Variants in SPHKAP observed in about 807,000 individuals in gnomAD.
SPHKAP encodes SPHK1 interactor, AKAP domain containing.
In SPHKAP, 67 loss-of-function variants were observed where a neutral mutation model predicts 137.5. That is an observed-to-expected ratio of 0.49 (90% CI 0.40 to 0.60). The LOEUF is 0.60. SPHKAP is among the 20% of genes least tolerant of loss of function. The pLI, the probability that SPHKAP is intolerant of heterozygous loss-of-function variation, is 0.00. For synonymous variants in SPHKAP, 813 were observed against 785.3 expected (o/e 1.04, Z -0.59); for missense variants, 2,097 against 2,069.3 (o/e 1.01, Z -0.26).
Position 228,017,148 on chromosome 2 carries a change from G to C in SPHKAP, c.3706C>G (p.Gln1236Glu). 1 of 1,614,038 alleles carries C rather than the reference G, an allele frequency of 6.2e-7. No individual in the cohort carries two copies. The highest frequency in any genetic ancestry group is 8.5e-7 in the Non-Finnish European group (1 of 1,180,014). ...PSLRSPVCHR[Q>E]SSMPDSRSPC... ...GATCTGCTGTCTGGCATGGACGACT[G>C]TCTGTGGCACACTGGGGATCGCAGA... Residue 1236 changes from glutamine (Q) to glutamate (E), a missense_variant, in exon 7 of 12, where the codon CAG (glutamine) becomes GAG (glutamate). By Grantham distance (29) the Gln-to-Glu change is conservative (BLOSUM62 2). Coordinates refer to ENST00000392056, the MANE Select transcript of SPHKAP (RefSeq NM_001142644.2).
In SPHKAP at chr2:227,991,135, C is replaced by T; in HGVS notation, c.4824G>A (p.Leu1608=). ...PTGTASPQRS[L]LVINFDLEPE... is the part of the protein sequence containing the mutation. ...GCTCCAGGTCAAAGTTGATCACCAG[C>T]AGGCTCCTCTGGGGGCTGGCTGTTC... Residue 1608 remains leucine, a synonymous_variant, in exon 11 of 12, where the codon CTG becomes CTA. Transcript: ENST00000392056. 1 of 1,614,118 alleles carries T rather than the reference C, an allele frequency of 6.2e-7. No individual in the cohort carries two copies.
At chr2:228,122,396 G>A (rs1698939728) in intron 2 of SPHKAP, among the ~76,000 whole-genome samples, 1 of 152,172 alleles carries the variant, frequency 6.6e-6, no homozygotes, top group Non-Finnish European at 1.5e-5. Context: ...AACAGAACAA[G>A]GTTGGCATGT....
At chr2:228,108,175 C>T (rs564328650) in intron 3 of SPHKAP, among the ~76,000 whole-genome samples, 6 of 152,244 alleles carry the variant, frequency 3.9e-5, no homozygotes, top group South Asian at 2.1e-4. Flanking sequence ...GTAATCATGA[C>T]CCCATTAGAG....
At chr2:228,059,112 G>A (rs1696548080) in intron 3 of SPHKAP, among the ~76,000 whole-genome samples, 1 of 152,182 alleles carries the variant, frequency 6.6e-6, no homozygotes, top group African/African-American at 2.4e-5. Flanking sequence ...CATGTTGTGT[G>A]TATCAGTTGA....
chr2:228,148,905 T>C (rs1699853337), intron 1 of SPHKAP, among the ~76,000 whole-genome samples: 1 of 152,192 alleles, frequency 6.6e-6, no homozygotes, highest in Non-Finnish European at 1.5e-5. Flanking sequence ...AGTAGCTAGA[T>C]GGTGAAGATG....
At chr2:228,138,672 C>A (rs1006486646) in intron 1 of SPHKAP, among the ~76,000 whole-genome samples, 10 of 152,092 alleles carry the variant, frequency 6.6e-5, no homozygotes, top group African/African-American at 2.2e-4. Context: ...TTAAAGGTGG[C>A]TCCATAGCTG....
In SPHKAP at chr2:228,047,690, A is replaced by G. The variant is rs191310083; in HGVS notation, c.247-20147T>C. 5.3e-5 allele frequency among the ~76,000 whole-genome samples: 8 copies of G among 152,292 alleles called. No homozygotes were observed. In the East Asian group the frequency reaches 1.4e-3, roughly 26 times the overall value. ...CTGTGCTCGCAGAGCTAGGTGTGGT[A>G]TGCAGTGATGAGATGAACGAGATGG... is the stretch of plus-strand genomic sequence containing the variant. On this transcript the variant is annotated intron_variant, in intron 3 of 11. Transcript: ENST00000392056.
intron 3 of SPHKAP, among the ~76,000 whole-genome samples, chr2:228,061,994 G>A (rs556153491): frequency 1.3e-5 from 2 of 152,034 alleles, no homozygotes; most frequent in African/African-American, 4.8e-5. Flanking sequence ...TTGGAAATAT[G>A]TTTAGTGTGG....
intron 3 of SPHKAP, among the ~76,000 whole-genome samples, chr2:228,033,870 A>G (rs2106244344): frequency 6.6e-6 from 1 of 152,376 alleles, no homozygotes; most frequent in African/African-American, 2.4e-5. Context: ...TCTGGGACAC[A>G]TTCAAAGAAG....
chr2:228,045,570 G>A (rs932536523), intron 3 of SPHKAP, among the ~76,000 whole-genome samples: 6 of 151,878 alleles, frequency 4.0e-5, no homozygotes, highest in African/African-American at 1.5e-4. Context: ...GACACACGAA[G>A]GGGAACATCA....
At chr2:228,000,275 T>G (rs1574724842) in intron 7 of SPHKAP, among the ~76,000 whole-genome samples, 1 of 148,078 alleles carries the variant, frequency 6.8e-6, no homozygotes, top group Admixed American at 6.7e-5. Flanking sequence ...AGGTCAGGAG[T>G]TCAAGACCAG....
chr2:228,114,906 G>C (rs778390394), intron 2 of SPHKAP, among the ~76,000 whole-genome samples: 1 of 152,106 alleles, frequency 6.6e-6, no homozygotes, highest in Non-Finnish European at 1.5e-5. Context: ...CTCTGACTGT[G>C]ATAAAGGAAA....
intron 11 of SPHKAP, chr2:227,982,154 A>G (rs1351457367): frequency 3.1e-6 from 3 of 981,202 alleles, no homozygotes; most frequent in Non-Finnish European, 2.4e-6. Context: ...TCTTTTAGAT[A>G]TTTAGTGTTT....
At position 228,181,553 on chromosome 2, in the gene SPHKAP, G is replaced by T. The variant is rs1443781735; in HGVS notation, c.32+14C>A. On this transcript the variant is annotated intron_variant, in intron 1 of 11. Transcript: ENST00000392056. The surrounding 1 kb of genome is among the most constrained non-coding windows in gnomAD (Gnocchi z 4.3). ...ATCGACATGGTATTGGGCATAGAAAGAAGCGGGTCTTACCTTGGTACCGAG... is the reference window on the plus strand; with the variant it reads ...ATCGACATGGTATTGGGCATAGAAATAAGCGGGTCTTACCTTGGTACCGAG... The T allele has an allele frequency of 6.2e-7, 1 of 1,614,244 alleles. No homozygotes were observed. Among genetic ancestry groups the T allele is most frequent in the South Asian group, 1.1e-5 (1 of 91,086 alleles).
intron 2 of SPHKAP, chr2:228,109,392 G>GA: frequency 1.0e-6 from 1 of 984,246 alleles, no homozygotes; most frequent in Non-Finnish European, 1.2e-6. Flanking sequence ...ACTTAGCTTT[G>GA]AACTAGTGTA....
At chr2:228,175,942 A>G (rs573861113) in intron 1 of SPHKAP, among the ~76,000 whole-genome samples, 159 of 152,300 alleles carry the variant, frequency 1.0e-3, no homozygotes, top group African/African-American at 3.5e-3. Context: ...CTATCATGAA[A>G]CCATCATATT....
In SPHKAP at chr2:228,152,937, G is replaced by C. The variant is rs10933237; in HGVS notation, c.33-20852C>G. On this transcript the variant is annotated intron_variant, in intron 1 of 11. Coordinates refer to ENST00000392056, the MANE Select transcript of SPHKAP (RefSeq NM_001142644.2). ...CTGTGGCAGGGGGGACCCAGTGGAA[G>C]ATAATTGAATCATGGAGGGAGTTTC... Among the ~76,000 whole-genome samples, 1,291 of 152,254 alleles carry C rather than the reference G, an allele frequency of 8.5e-3. 9 individuals carry two copies. Among genetic ancestry groups the C allele is most frequent in the African/African-American group, 0.03 (1,233 of 41,556 alleles).
chr2:228,159,644 T>C (rs1047474833), intron 1 of SPHKAP, among the ~76,000 whole-genome samples: 18 of 152,236 alleles, frequency 1.2e-4, no homozygotes, highest in African/African-American at 3.9e-4. Flanking sequence ...ACACATTTTC[T>C]AGAGAAACTG....
intron 8 of SPHKAP, among the ~76,000 whole-genome samples, chr2:227,994,494 T>C (rs1053439006): frequency 6.6e-6 from 1 of 152,090 alleles, no homozygotes; most frequent in Non-Finnish European, 1.5e-5. Context: ...AAAGGGTGAG[T>C]GGTGGTGCGT....
Sources: allele counts gnomAD v4.1 joint callset (sites outside exome capture counted in the v4.1 genomes callset), GRCh38; gene constraint gnomAD v4.1.1; non-coding constraint Gnocchi (gnomAD v3.1); transcripts MANE v1.5; gene names NCBI Gene and HGNC (gene_info 2026-07-23, HGNC 2026-07-21).